Variants in COPS4 observed in about 807,000 individuals in gnomAD.
COPS4 encodes the protein COP9 signalosome complex subunit 4.
In COPS4, 8 loss-of-function variants were observed where a neutral mutation model predicts 55.1. The observed-to-expected ratio is 0.15, with a 90% CI of 0.09 to 0.26. The LOEUF (loss-of-function observed/expected upper bound fraction) is 0.26, where lower values mean the gene tolerates loss of function less well. COPS4 is among the 10% of genes least tolerant of loss of function. The pLI is 1.00. For missense variants in COPS4, 248 were observed against 484.0 expected (o/e 0.51, Z 4.58); for synonymous variants, 185 against 165.7 (o/e 1.12, Z -0.90).
chr4:83,044,547 G>T (rs1223548861), intron 1 of COPS4, among the ~76,000 whole-genome samples: 1 of 152,104 alleles, frequency 6.6e-6, no homozygotes, highest in African/African-American at 2.4e-5. Flanking sequence ...GGAGGCTGAG[G>T]TGGGCGGATC....
At chr4:83,057,693 C>T (rs1316845779) in intron 6 of COPS4, among the ~76,000 whole-genome samples, 3 of 151,894 alleles carry the variant, frequency 2.0e-5, no homozygotes, top group Non-Finnish European at 2.9e-5. Flanking sequence ...GAGGCCGAGG[C>T]GGGTGGATCA....
chr4:83,068,136 G>C (rs1731333975), intron 8 of COPS4, among the ~76,000 whole-genome samples: 1 of 152,112 alleles, frequency 6.6e-6, no homozygotes, highest in African/African-American at 2.4e-5. Flanking sequence ...TTTTTTTGAG[G>C]TATGGATCCT....
chr4:83,070,860 G>A lies in COPS4; in HGVS notation c.1087+2338G>A, dbSNP rs1026948319. 7.2e-5 allele frequency among the ~76,000 whole-genome samples: 11 copies of A among 152,256 alleles called. No homozygotes were observed. In the South Asian group the frequency reaches 8.3e-4, roughly 11 times the overall value. ...ATGAATGTCTTCCCCATTGCTTGTA[G>A]AACAAAGTTCTACAAAGTCTCCCAA... On this transcript the variant is annotated intron_variant, in intron 9 of 9. Coordinates refer to ENST00000264389, the MANE Select transcript of COPS4 (RefSeq NM_016129.3).
At position 83,056,989 on chromosome 4, in the gene COPS4, T is replaced by G. The variant is rs1731031114; in HGVS notation, c.474T>G (p.Asp158Glu). ...YLKIARLYLE[D>E]DDPVQAEAYI... is the part of the protein sequence containing the mutation. ...AGATTGCTAGGCTATATCTGGAGGA[T>G]GATGATCCAGTCCAGGCAGAGGCTT... is the stretch of plus-strand genomic sequence containing the variant. The change falls in exon 5 of 10, where the codon GAT (aspartate) becomes GAG (glutamate). Residue 158 changes from aspartate (D) to glutamate (E), a missense_variant. Physicochemically the swap from Asp to Glu is conservative, Grantham distance 45 (BLOSUM62 2). Coordinates refer to ENST00000264389, the MANE Select transcript of COPS4 (RefSeq NM_016129.3). The G allele has an allele frequency of 1.9e-6, 3 of 1,613,532 alleles. No individual in the cohort carries two copies. Among genetic ancestry groups the G allele is most frequent in the South Asian group, 1.1e-5 (1 of 91,072 alleles).
At chr4:83,038,633 TTTG>T (rs1274888848) in intron 1 of COPS4, among the ~76,000 whole-genome samples, 5 of 1,514 alleles carry the variant, frequency 3.3e-3, no homozygotes, top group South Asian at 0.026. Context: ...GTTTTTTTTG[TTTG>T]TTTGTTTGTT....
At chr4:83,074,461 G>GTTT (rs66793416) in intron 9 of COPS4, among the ~76,000 whole-genome samples, 1 of 130,946 alleles carries the variant, frequency 7.6e-6, no homozygotes, top group Non-Finnish European at 1.6e-5. Flanking sequence ...TTTTTTAGAG[G>GTTT]TTTTTTTTTT....
intron 9 of COPS4, among the ~76,000 whole-genome samples, chr4:83,072,408 T>C (rs1256624453): frequency 4.6e-5 from 7 of 152,212 alleles, no homozygotes; most frequent in African/African-American, 1.7e-4. Context: ...CCCGGCCGAA[T>C]TCTGTCAGGT....
In COPS4 at chr4:83,063,110, T is replaced by C; in HGVS notation, c.750T>C (p.Phe250=). ...GTTCTCGGATGCTAGCTACTCTTTT[T>C]AAGGATGAAAGGTGCCAGCAACTTG... is the stretch of plus-strand genomic sequence containing the variant. The part of the protein sequence containing the change: ...QQRSRMLATL[F]KDERCQQLAA... Residue 250 remains phenylalanine, a synonymous_variant, in exon 7 of 10, where the codon TTT becomes TTC. Transcript: ENST00000264389. The C allele has an allele frequency of 6.3e-7, 1 of 1,580,234 alleles. No individual in the cohort carries two copies. The highest frequency in any genetic ancestry group is 8.6e-7 in the Non-Finnish European group (1 of 1,166,850).
chr4:83,064,756 C>T (rs989915657), intron 7 of COPS4, among the ~76,000 whole-genome samples: 6 of 151,320 alleles, frequency 4.0e-5, no homozygotes, highest in Admixed American at 3.9e-4. Flanking sequence ...GTTGGGGTCT[C>T]ACTGTGTTGC....
chr4:83,071,899 A>G (rs1008409358), intron 9 of COPS4, among the ~76,000 whole-genome samples: 3 of 151,262 alleles, frequency 2.0e-5, no homozygotes, highest in African/African-American at 7.3e-5. Context: ...TTTAATAGAG[A>G]CGGGGTTTCA....
intron 9 of COPS4, among the ~76,000 whole-genome samples, chr4:83,071,182 A>G (rs1731420805): frequency 6.6e-6 from 1 of 152,186 alleles, no homozygotes; most frequent in Non-Finnish European, 1.5e-5. Flanking sequence ...TTCTGTTTCC[A>G]AGTTAAGCTT....
intron 4 of COPS4, among the ~76,000 whole-genome samples, chr4:83,050,856 T>C (rs895420207): frequency 6.6e-6 from 1 of 152,076 alleles, no homozygotes; most frequent in African/African-American, 2.4e-5. Flanking sequence ...CATTGGAGAA[T>C]TGTGAACAAA....
chr4:83,050,265 A>G (rs1730857041), intron 4 of COPS4, among the ~76,000 whole-genome samples: 1 of 152,102 alleles, frequency 6.6e-6, no homozygotes, highest in Non-Finnish European at 1.5e-5. Context: ...TGATCTGAGG[A>G]AAGAATATCA....
intron 9 of COPS4, among the ~76,000 whole-genome samples, chr4:83,069,651 G>C (rs1357209015): frequency 6.6e-6 from 1 of 151,834 alleles, no homozygotes; most frequent in Admixed American, 6.6e-5. Flanking sequence ...TATTTCAAAG[G>C]GGAAAAAAGC....
intron 1 of COPS4, among the ~76,000 whole-genome samples, chr4:83,041,895 C>T (rs1730577779): frequency 1.4e-5 from 2 of 144,368 alleles, no homozygotes; most frequent in Non-Finnish European, 3.0e-5. Flanking sequence ...GATAGAATTT[C>T]GCTCTGTCAC....
At position 83,038,673 on chromosome 4, in the gene COPS4, C is replaced by T. The variant is rs1451248010; in HGVS notation, c.74+3375C>T. Among the ~76,000 whole-genome samples the T allele has an allele frequency of 2.0e-5, 3 of 151,870 alleles. No individual in the cohort carries two copies. In the East Asian group the frequency reaches 5.8e-4, roughly 29 times the overall value. On this transcript the variant is annotated intron_variant, in intron 1 of 9. Transcript: ENST00000264389. ...TGTTTTGTTTTGAGATGGAGTTTCA[C>T]TCTTGTTGCCTAGGCTGGAGTGCAG...
chr4:83,057,738 A>G (rs1731051682), intron 6 of COPS4, among the ~76,000 whole-genome samples: 1 of 151,668 alleles, frequency 6.6e-6, no homozygotes, highest in African/African-American at 2.4e-5. Flanking sequence ...CTGGCTAACA[A>G]GGTGAAACCC....
chr4:83,070,465 C>T (rs1041542131), intron 9 of COPS4, among the ~76,000 whole-genome samples: 5 of 152,150 alleles, frequency 3.3e-5, no homozygotes, highest in Non-Finnish European at 7.4e-5. Context: ...TTGTGTGTCC[C>T]CCACGACTAA....
At chr4:83,063,396 T>A in intron 7 of COPS4, 150 bp downstream of exon 7, 2 of 547,348 alleles carry the variant, frequency 3.7e-6, no homozygotes, top group Non-Finnish European at 5.5e-6. Context: ...AAATTTTTTT[T>A]TTAATTTATA....
Sources: allele counts gnomAD v4.1 joint callset (sites outside exome capture counted in the v4.1 genomes callset), GRCh38; gene constraint gnomAD v4.1.1; transcripts MANE v1.5; gene names NCBI Gene and HGNC (gene_info 2026-07-23, HGNC 2026-07-21).